The following TNN variants were observed in gnomAD, a reference collection of about 807,000 sequenced individuals.
TNN encodes tenascin-N.
A neutral mutation model predicts 134.4 loss-of-function variants in TNN; 122 were observed. The ratio of observed to expected loss-of-function variants is 0.91; its 90% CI spans 0.78 to 1.06. The LOEUF is 1.06. TNN is among the 50% of genes least tolerant of loss of function. The pLI, the probability that TNN is intolerant of heterozygous loss-of-function variation, is 0.00. For missense variants in TNN, 1,739 were observed against 1,699.4 expected (o/e 1.02, Z -0.41); for synonymous variants, 710 against 670.3 (o/e 1.06, Z -0.91).
intron 17 of TNN, among the ~76,000 whole-genome samples, chr1:175,142,057 T>C (rs189433564): frequency 1.4e-4 from 22 of 152,340 alleles, no homozygotes; most frequent in Admixed American, 1.0e-3. Context: ...TGTGCTCATT[T>C]AAAGAAGGTT....
intron 12 of TNN, among the ~76,000 whole-genome samples, chr1:175,126,187 C>T (rs1240106344): frequency 4.0e-5 from 6 of 151,068 alleles, no homozygotes; most frequent in South Asian, 2.1e-4. Flanking sequence ...CTGCAACCTC[C>T]GCCTCCCGAG....
At chr1:175,093,509 G>A (rs1674499163) in intron 6 of TNN, among the ~76,000 whole-genome samples, 1 of 152,150 alleles carries the variant, frequency 6.6e-6, no homozygotes, top group African/African-American at 2.4e-5. Context: ...TTGGAGATTT[G>A]TATTTGAAAA....
chr1:175,133,694 C>T (rs1272282418), intron 15 of TNN, among the ~76,000 whole-genome samples: 1 of 152,182 alleles, frequency 6.6e-6, no homozygotes, highest in Non-Finnish European at 1.5e-5. Flanking sequence ...CAGCTTTTCC[C>T]ATGACTTCAT....
intron 15 of TNN, among the ~76,000 whole-genome samples, chr1:175,132,500 A>C (rs80057632): frequency 0.015 from 2,261 of 152,338 alleles, 54 homozygotes; most frequent in African/African-American, 0.05. Flanking sequence ...ACTTGAGCAA[A>C]GGGGAAAGAG....
At chr1:175,136,647 C>T (rs777177722) in intron 16 of TNN, among the ~76,000 whole-genome samples, 174 bp from the exon 17 acceptor site, 3 of 152,190 alleles carry the variant, frequency 2.0e-5, no homozygotes, top group Admixed American at 6.5e-5. Flanking sequence ...GGTCTTCGCA[C>T]TCCTTAGTGT....
At chr1:175,095,372 C>T (rs980830155) in intron 7 of TNN, among the ~76,000 whole-genome samples, 3 of 152,182 alleles carry the variant, frequency 2.0e-5, no homozygotes, top group African/African-American at 4.8e-5. Flanking sequence ...AGCATGAAAA[C>T]AGCCACAGAC....
At position 175,083,797 on chromosome 1, in the gene TNN, T is replaced by A; in HGVS notation, c.1096T>A (p.Ser366Thr). Residue 366 changes from serine to threonine, a missense_variant, in exon 5 of 19, where the codon TCC (serine) becomes ACC (threonine). Ser to Thr is a moderately conservative substitution (Grantham distance 58). Transcript: ENST00000239462. ...TAWVTDETEN[S>T]LDVEWENPST... is the part of the protein sequence containing the mutation. ...CTGGGTGACAGATGAGACTGAGAAC[T>A]CCCTTGACGTGGAGTGGGAAAACCC... The A allele has an allele frequency of 1.9e-6, 3 of 1,614,140 alleles. No individual in the cohort carries two copies. The highest frequency in any genetic ancestry group is 2.5e-6 in the Non-Finnish European group (3 of 1,180,022).
rs1014515131 is a variant in TNN, at chr1:175,120,094, C to A, written c.2650+1270C>A. Among the ~76,000 whole-genome samples the A allele has an allele frequency of 3.9e-5, 6 of 152,330 alleles. No homozygotes were observed. The South Asian group carries it at 1.2e-3, about 32-fold the overall frequency. On this transcript the variant is annotated intron_variant, in intron 11 of 18. Coordinates refer to ENST00000239462, the MANE Select transcript of TNN (RefSeq NM_022093.2). ...TTTTGTATAGGTTTGACCGAATAGACGCTGTGTGATAGAAAGGAGCAAGTA... is the reference window on the plus strand; with the variant it reads ...TTTTGTATAGGTTTGACCGAATAGAAGCTGTGTGATAGAAAGGAGCAAGTA...
At position 175,112,516 on chromosome 1, in the gene TNN, T is replaced by C. The variant is rs112968221; in HGVS notation, c.2120-4423T>C. 7.8e-4 allele frequency among the ~76,000 whole-genome samples: 119 copies of C among 151,680 alleles called. 1 individual carries two copies. Among genetic ancestry groups the C allele is most frequent in the African/African-American group, 2.8e-3 (118 of 41,414 alleles). ...TCCATCCTTTCACTTTGCATCTATA[T>C]GTGTTTCCACAGGTGAAGGAAGATT... On this transcript the variant is annotated intron_variant, in intron 9 of 18. Transcript: ENST00000239462.
intron 4 of TNN, among the ~76,000 whole-genome samples, chr1:175,080,784 G>C (rs1674180868): frequency 6.6e-6 from 1 of 152,170 alleles, no homozygotes. Flanking sequence ...AGAGGCTGCT[G>C]AAGCCACCTG....
intron 13 of TNN, 147 bp from the exon 14 acceptor site, chr1:175,127,885 T>C (rs1003626151): frequency 1.1e-6 from 1 of 882,456 alleles, no homozygotes; most frequent in Admixed American, 2.1e-5. Context: ...ACTGCGATTC[T>C]GGGCTGCCAC....
At chr1:175,081,438 A>T (rs957681301) in intron 4 of TNN, among the ~76,000 whole-genome samples, 2 of 152,222 alleles carry the variant, frequency 1.3e-5, no homozygotes, top group Admixed American at 1.3e-4. Context: ...CTAAAAATGC[A>T]CTGCCTCCAT....
intron 16 of TNN, 26 bp downstream of exon 16, chr1:175,135,967 G>T: frequency 6.6e-7 from 1 of 1,521,994 alleles, no homozygotes; most frequent in South Asian, 1.1e-5. Flanking sequence ...CCAGGAGGCT[G>T]GGGCTGTGGG....
intron 18 of TNN, among the ~76,000 whole-genome samples, chr1:175,145,121 T>C (rs913425231): frequency 1.3e-5 from 2 of 152,120 alleles, no homozygotes; most frequent in South Asian, 4.2e-4. Flanking sequence ...CCTAATTACC[T>C]TCCAGAGGCC....
chr1:175,101,326 C>T (rs1674718457), intron 9 of TNN, among the ~76,000 whole-genome samples: 2 of 151,888 alleles, frequency 1.3e-5, no homozygotes, highest in Admixed American at 1.3e-4. Flanking sequence ...GTTGGTTCCT[C>T]CCGGTGGGCT....
intron 12 of TNN, among the ~76,000 whole-genome samples, chr1:175,125,882 T>C (rs1443451912): frequency 3.4e-5 from 3 of 88,276 alleles, no homozygotes. Context: ...CTTTCTTTTC[T>C]TTTTTTCTTT....
chr1:175,140,708 T>C (rs1237972526), intron 17 of TNN, among the ~76,000 whole-genome samples: 1 of 152,236 alleles, frequency 6.6e-6, no homozygotes, highest in African/African-American at 2.4e-5. Flanking sequence ...TTTAATAGAA[T>C]TATTTTTTAA....
At position 175,079,592 on chromosome 1, in the gene TNN, C is replaced by A; in HGVS notation, c.669C>A (p.Phe223Leu). ...VRGVCQCHEDFMSEDCSEKRC... is the reference protein window; with the variant it reads ...VRGVCQCHEDLMSEDCSEKRC... ...GCGTGTGCCAGTGCCACGAAGACTT[C>A]ATGTCGGAGGACTGCAGCGAGAAGC... The change falls in exon 3 of 19, where the codon TTC becomes TTA. Residue 223 changes from phenylalanine (F) to leucine (L), a missense_variant. Coordinates refer to ENST00000239462, the MANE Select transcript of TNN (RefSeq NM_022093.2). The A allele has an allele frequency of 6.3e-7, 1 of 1,593,636 alleles. No individual in the cohort carries two copies. The highest frequency in any genetic ancestry group is 8.5e-7 in the Non-Finnish European group (1 of 1,171,464).
intron 17 of TNN, among the ~76,000 whole-genome samples, chr1:175,137,637 T>C (rs187619189): frequency 6.6e-6 from 1 of 152,322 alleles, no homozygotes; most frequent in Admixed American, 6.5e-5. Context: ...AATGCTGGAA[T>C]GATACCAGTA....
Sources: allele counts gnomAD v4.1 joint callset (sites outside exome capture counted in the v4.1 genomes callset), GRCh38; gene constraint gnomAD v4.1.1; transcripts MANE v1.5; gene names NCBI Gene and HGNC (gene_info 2026-07-23, HGNC 2026-07-21).